The following SLCO6A1 variants were observed in gnomAD, a reference collection of about 807,000 sequenced individuals.
SLCO6A1 encodes the protein cancer/testis antigen 48.
A neutral mutation model predicts 72.7 loss-of-function variants in SLCO6A1; 65 were observed. That is an observed-to-expected ratio of 0.89 (90% CI 0.73 to 1.10). The LOEUF (loss-of-function observed/expected upper bound fraction) is 1.10, where lower values mean the gene tolerates loss of function less well. SLCO6A1 is among the 50% of genes least tolerant of loss of function. SLCO6A1 has a pLI of 0.00. For synonymous variants in SLCO6A1, 314 were observed against 298.2 expected (o/e 1.05, Z -0.55); for missense variants, 874 against 872.6 (o/e 1.00, Z -0.02).
chr5:102,385,513 A>T, intron 12 of SLCO6A1, among the ~76,000 whole-genome samples: 1 of 149,758 alleles, frequency 6.7e-6, no homozygotes, highest in Non-Finnish European at 1.5e-5. Context: ...TTTTATTTTC[A>T]CTCTTCTGAC....
At chr5:102,444,701 A>C (rs1750015897) in intron 6 of SLCO6A1, among the ~76,000 whole-genome samples, 1 of 152,180 alleles carries the variant, frequency 6.6e-6, no homozygotes, top group Non-Finnish European at 1.5e-5. Context: ...TCAGAGACTA[A>C]AACTACTACA....
At chr5:102,463,657 C>T (rs972230006) in intron 4 of SLCO6A1, among the ~76,000 whole-genome samples, 6 of 152,066 alleles carry the variant, frequency 3.9e-5, no homozygotes, top group African/African-American at 1.2e-4. Flanking sequence ...GAGGCCGAGG[C>T]GGGGGGATCA....
At chr5:102,486,195 G>A (rs1257502275) in intron 1 of SLCO6A1, among the ~76,000 whole-genome samples, 1 of 152,020 alleles carries the variant, frequency 6.6e-6, no homozygotes, top group Non-Finnish European at 1.5e-5. Flanking sequence ...TTAGAGCAAA[G>A]GAACTATCCA....
At chr5:102,437,951 G>A (rs1388198604) in intron 7 of SLCO6A1, among the ~76,000 whole-genome samples, 1 of 151,900 alleles carries the variant, frequency 6.6e-6, no homozygotes, top group Admixed American at 6.6e-5. Flanking sequence ...AACCTCTTTT[G>A]GAGAGCCAAT....
intron 9 of SLCO6A1, among the ~76,000 whole-genome samples, chr5:102,410,258 A>G (rs1246537922): frequency 2.6e-5 from 4 of 152,048 alleles, no homozygotes; most frequent in African/African-American, 9.7e-5. Context: ...GCAACTGGTC[A>G]TCCCCATGTC....
At chr5:102,449,738 C>A (rs1165704012) in intron 6 of SLCO6A1, among the ~76,000 whole-genome samples, 1 of 152,156 alleles carries the variant, frequency 6.6e-6, no homozygotes, top group Non-Finnish European at 1.5e-5. Context: ...CAATATCCTC[C>A]AATATGTTTT....
chr5:102,459,291 G>A (rs1274082591), intron 5 of SLCO6A1, among the ~76,000 whole-genome samples: 1 of 152,068 alleles, frequency 6.6e-6, no homozygotes, highest in Non-Finnish European at 1.5e-5. Flanking sequence ...ATGGTGGCAT[G>A]CACCTGTAGT....
chr5:102,412,915 G>T, intron 9 of SLCO6A1, 75 bp downstream of exon 9: 1 of 613,246 alleles, frequency 1.6e-6, no homozygotes, highest in Non-Finnish European at 2.3e-6. Context: ...AGAGGAAGAA[G>T]CATAAAAATA....
At chr5:102,397,801 C>A (rs1747178364) in intron 10 of SLCO6A1, among the ~76,000 whole-genome samples, 1 of 152,126 alleles carries the variant, frequency 6.6e-6, no homozygotes, top group Non-Finnish European at 1.5e-5. Context: ...ATTTTGGCAA[C>A]ACTTATATGC....
intron 10 of SLCO6A1, 78 bp from the exon 11 acceptor site, chr5:102,391,123 T>C (rs1451183817): frequency 4.4e-6 from 6 of 1,374,328 alleles, no homozygotes; most frequent in East Asian, 2.3e-5. Flanking sequence ...TCAAGGCTAA[T>C]CATTTTTTTT....
intron 1 of SLCO6A1, among the ~76,000 whole-genome samples, chr5:102,487,366 G>C (rs1354810813): frequency 1.3e-5 from 2 of 151,814 alleles, no homozygotes; most frequent in Non-Finnish European, 2.9e-5. Context: ...TTGATGTCAT[G>C]GTGCCAAAAA....
chr5:102,465,226 C>T (rs542364153), intron 4 of SLCO6A1, among the ~76,000 whole-genome samples: 3 of 151,888 alleles, frequency 2.0e-5, no homozygotes, highest in Non-Finnish European at 2.9e-5. Context: ...TATGCTTGGC[C>T]CAGTTCTCAG....
At position 102,426,155 on chromosome 5, in the gene SLCO6A1, C is replaced by T. The variant is rs576983933; in HGVS notation, c.1277-6134G>A. Among the ~76,000 whole-genome samples the T allele has an allele frequency of 2.6e-5, 4 of 152,232 alleles. No homozygotes were observed. The South Asian group carries it at 8.3e-4, about 32-fold the overall frequency. Reference sequence around the variant, plus strand: ...TAAGACTTAAATGTAAAACCTAAAACCATAAAAACCCTAGAGGAAAACCTA... The same window carrying T: ...TAAGACTTAAATGTAAAACCTAAAATCATAAAAACCCTAGAGGAAAACCTA... On this transcript the variant is annotated intron_variant, in intron 7 of 13. Coordinates refer to ENST00000506729, the MANE Select transcript of SLCO6A1 (RefSeq NM_173488.5).
At chr5:102,407,408 T>C (rs1036772901) in intron 9 of SLCO6A1, among the ~76,000 whole-genome samples, 1 of 152,236 alleles carries the variant, frequency 6.6e-6, no homozygotes, top group Non-Finnish European at 1.5e-5. Flanking sequence ...CTGCTGCTAC[T>C]GTATACCAGT....
intron 1 of SLCO6A1, among the ~76,000 whole-genome samples, chr5:102,497,855 T>A (rs972064469): frequency 1.3e-5 from 2 of 152,190 alleles, no homozygotes; most frequent in Non-Finnish European, 2.9e-5. Flanking sequence ...AAATTAAGGT[T>A]AGGGGTCATG....
At chr5:102,456,560 T>C (rs185332337) in intron 6 of SLCO6A1, among the ~76,000 whole-genome samples, 12 of 152,242 alleles carry the variant, frequency 7.9e-5, no homozygotes, top group Middle Eastern at 6.8e-3. Context: ...GTGAAGAACC[T>C]CTTCAAGGAG....
At position 102,388,809 on chromosome 5, in the gene SLCO6A1, T is replaced by C. The variant is rs766022345; in HGVS notation, c.1896A>G (p.Pro632=). 9 of 1,604,556 alleles carry C rather than the reference T, an allele frequency of 5.6e-6. No individual in the cohort carries two copies. The highest frequency in any genetic ancestry group is 7.6e-6 in the Non-Finnish European group (9 of 1,177,434). The change falls in exon 12 of 14, where the codon CCA becomes CCG. Residue 632 remains proline, a synonymous_variant. Transcript: ENST00000506729. ...TTTCTCCTGACATTTTAAAGATTGA[T>C]GGTCCAGGAATAGTCCCTATGAAAA... The part of the protein sequence containing the change: ...ILRIFGTIPG[P]SIFKMSGETS...
intron 5 of SLCO6A1, 97 bp downstream of exon 5, chr5:102,459,559 T>C: frequency 1.5e-6 from 2 of 1,330,410 alleles, no homozygotes; most frequent in African/African-American, 1.5e-5. Flanking sequence ...GGCATACTCA[T>C]TTTATTAAAA....
chr5:102,416,522 A>G (rs1278439557), intron 8 of SLCO6A1, among the ~76,000 whole-genome samples: 2 of 152,118 alleles, frequency 1.3e-5, no homozygotes, highest in Non-Finnish European at 2.9e-5. Flanking sequence ...TGGGAGCTAA[A>G]ACTTGTGTAC....
Sources: allele counts gnomAD v4.1 joint callset (sites outside exome capture counted in the v4.1 genomes callset), GRCh38; gene constraint gnomAD v4.1.1; transcripts MANE v1.5; gene names NCBI Gene and HGNC (gene_info 2026-07-23, HGNC 2026-07-21).